Variants in COLEC12 observed in about 807,000 individuals in gnomAD.
COLEC12 encodes the protein collectin-12.
COLEC12 carries 33 observed loss-of-function variants against 71.1 expected under a neutral mutation model. That is an observed-to-expected ratio of 0.46 (90% CI 0.35 to 0.62). The LOEUF (loss-of-function observed/expected upper bound fraction) is 0.62. Ranked by LOEUF, COLEC12 falls within the 20% of genes least tolerant of loss-of-function variation. The pLI is 0.00. For missense variants in COLEC12, 765 were observed against 916.1 expected (o/e 0.84, Z 2.13); for synonymous variants, 350 against 353.0 (o/e 0.99, Z 0.10).
intron 2 of COLEC12, among the ~76,000 whole-genome samples, chr18:368,456 C>T (rs544970335): frequency 5.9e-5 from 9 of 152,244 alleles, no homozygotes; most frequent in African/African-American, 2.2e-4. Flanking sequence ...TGCCTGTAGT[C>T]CCAGCTACTT....
At chr18:466,526 A>T (rs892947923) in intron 2 of COLEC12, among the ~76,000 whole-genome samples, 1 of 152,156 alleles carries the variant, frequency 6.6e-6, no homozygotes, top group African/African-American at 2.4e-5. Flanking sequence ...CTAACTATAG[A>T]AAATGTTTTT....
chr18:468,240 C>G (rs960137239), intron 2 of COLEC12, among the ~76,000 whole-genome samples: 1 of 139,426 alleles, frequency 7.2e-6, no homozygotes, highest in South Asian at 2.3e-4. Context: ...CCAGCCTGGG[C>G]GACAGAGTGA....
chr18:496,608 G>A (rs1460107046), intron 1 of COLEC12, among the ~76,000 whole-genome samples: 1 of 152,228 alleles, frequency 6.6e-6, no homozygotes, highest in Non-Finnish European at 1.5e-5. Context: ...CAAAAAGACT[G>A]TGAGTCCCAA....
chr18:376,505 G>A (rs1039484784), intron 2 of COLEC12, among the ~76,000 whole-genome samples: 1 of 152,152 alleles, frequency 6.6e-6, no homozygotes, highest in Admixed American at 6.5e-5. Flanking sequence ...AGTAGAGTTG[G>A]CAAGAAGCGG....
intron 2 of COLEC12, among the ~76,000 whole-genome samples, chr18:366,208 A>T (rs745466438): frequency 2.0e-5 from 3 of 152,214 alleles, no homozygotes. Flanking sequence ...CAAGGCAAGC[A>T]CTGAGCGAAG....
intron 2 of COLEC12, among the ~76,000 whole-genome samples, chr18:465,107 T>C (rs1917059883): frequency 6.6e-6 from 1 of 152,180 alleles, no homozygotes; most frequent in Non-Finnish European, 1.5e-5. Context: ...TTGTTAATTA[T>C]GTTTTGTTTT....
At chr18:353,362 A>G (rs1441828808) in intron 3 of COLEC12, among the ~76,000 whole-genome samples, 2 of 152,176 alleles carry the variant, frequency 1.3e-5, no homozygotes, top group Non-Finnish European at 2.9e-5. Flanking sequence ...AGGCTCACAG[A>G]TGTTCAGTAA....
intron 2 of COLEC12, among the ~76,000 whole-genome samples, chr18:416,211 CA>C (rs1040097800): frequency 1.6e-4 from 24 of 152,066 alleles, no homozygotes; most frequent in East Asian, 7.7e-4. Context: ...GACACCCCCC[CA>C]AAAAAATTCA....
chr18:356,973 C>T (rs572250220), intron 3 of COLEC12, among the ~76,000 whole-genome samples: 76 of 152,232 alleles, frequency 5.0e-4, no homozygotes, highest in Non-Finnish European at 9.1e-4. Context: ...GTTGGCCGAT[C>T]CCTGGGTGAA....
intron 2 of COLEC12, among the ~76,000 whole-genome samples, chr18:405,026 T>A (rs1915758487): frequency 6.6e-6 from 1 of 152,080 alleles, no homozygotes; most frequent in Non-Finnish European, 1.5e-5. Flanking sequence ...TCTGGGAATG[T>A]CTGTATGATG....
At chr18:394,914 C>T (rs948767488) in intron 2 of COLEC12, among the ~76,000 whole-genome samples, 1 of 152,112 alleles carries the variant, frequency 6.6e-6, no homozygotes, top group Non-Finnish European at 1.5e-5. Flanking sequence ...GATGCCAACT[C>T]AGTAAAAACA....
chr18:500,481 A>G lies in COLEC12; in HGVS notation c.7+27T>C. On this transcript the variant is annotated intron_variant, in intron 1 of 9. Transcript: ENST00000400256. The surrounding 1 kb of genome is among the most constrained non-coding windows in gnomAD (Gnocchi z 5.3). ...CCCGAAGCCCGTTCCCCCCGCCCAG[A>G]GCCCCGCGGAGCTGCCGCCGCCCTA... is the stretch of plus-strand genomic sequence containing the variant. 8.2e-7 allele frequency: 1 copy of G among 1,224,442 alleles called. No individual in the cohort carries two copies. Among genetic ancestry groups the G allele is most frequent in the Non-Finnish European group, 1.0e-6 (1 of 983,310 alleles). 75.8% of individuals were successfully genotyped at this position (1,224,442 alleles called of 1,614,324 possible). A position where few individuals can be genotyped will look rare whatever the true frequency, so the allele number is the denominator to read the frequency against.
At chr18:492,416 C>T (rs1020926158) in intron 1 of COLEC12, among the ~76,000 whole-genome samples, 1 of 152,160 alleles carries the variant, frequency 6.6e-6, no homozygotes, top group African/African-American at 2.4e-5. Flanking sequence ...ATCAGATTTC[C>T]CCACAGCCAC....
intron 2 of COLEC12, among the ~76,000 whole-genome samples, chr18:458,097 A>G (rs1213630949): frequency 2.0e-5 from 3 of 152,226 alleles, no homozygotes; most frequent in Admixed American, 6.5e-5. Flanking sequence ...ATAAACCTCA[A>G]GTCCAAAAGT....
intron 1 of COLEC12, among the ~76,000 whole-genome samples, chr18:481,041 G>A (rs1386177533): frequency 1.3e-5 from 2 of 152,106 alleles, no homozygotes; most frequent in Non-Finnish European, 2.9e-5. Context: ...GCCACTCCCT[G>A]CCACGCTACA....
At chr18:460,567 G>A (rs1056453690) in intron 2 of COLEC12, among the ~76,000 whole-genome samples, 1 of 152,146 alleles carries the variant, frequency 6.6e-6, no homozygotes, top group Non-Finnish European at 1.5e-5. Context: ...AGTACATTGC[G>A]TGTGTTTTAC....
In COLEC12 at chr18:408,554, G is replaced by A. The variant is rs1353568383; in HGVS notation, c.59-51032C>T. Among the ~76,000 whole-genome samples the A allele has an allele frequency of 3.9e-5, 6 of 151,920 alleles. No individual in the cohort carries two copies. The Middle Eastern group carries it at 0.01, about 258-fold the overall frequency. ...AGATTAAGCTTGAATTATTCATAGCGGTCTCAAAGTTGAAATCCTCCAGGG... is the reference window on the plus strand; with the variant it reads ...AGATTAAGCTTGAATTATTCATAGCAGTCTCAAAGTTGAAATCCTCCAGGG... On this transcript the variant is annotated intron_variant, in intron 2 of 9. Transcript: ENST00000400256. The surrounding 1 kb of genome is among the most constrained non-coding windows in gnomAD (Gnocchi z 4.3).
At chr18:413,258 C>T (rs1035084643) in intron 2 of COLEC12, among the ~76,000 whole-genome samples, 4 of 152,158 alleles carry the variant, frequency 2.6e-5, no homozygotes, top group East Asian at 1.9e-4. Context: ...TATTCAACAT[C>T]ACTAGCCATT....
chr18:355,050 T>TG (rs1353566070), intron 3 of COLEC12, among the ~76,000 whole-genome samples: 1 of 124,056 alleles, frequency 8.1e-6, no homozygotes, highest in African/African-American at 5.3e-5. Context: ...CATCCATGCA[T>TG]CCATCCATCC....
Sources: gnomAD v4.1 joint callset for allele counts (sites outside exome capture counted in the v4.1 genomes callset) on GRCh38, gnomAD v4.1.1 for gene constraint, Gnocchi (gnomAD v3.1) non-coding constraint, MANE v1.5 for transcripts, NCBI Gene and HGNC (gene_info 2026-07-23, HGNC 2026-07-21) for gene names.